PHF14: variants seen among roughly 807,000 people sequenced by gnomAD.
The protein encoded by PHF14 is PHD finger protein 14.
Under a neutral mutation model 117.9 loss-of-function variants are expected in PHF14, and 55 were observed. The observed-to-expected ratio is 0.47, with a 90% CI of 0.38 to 0.58. The LOEUF (loss-of-function observed/expected upper bound fraction) is 0.58, where lower values mean the gene tolerates loss of function less well. PHF14 is among the 20% of genes least tolerant of loss of function. PHF14 has a pLI of 0.00. For synonymous variants in PHF14, 409 were observed against 368.6 expected, an observed-to-expected ratio of 1.11 and a Z score of -1.26; for missense variants, 978 against 1,122.2, an observed-to-expected ratio of 0.87 and a Z score of 1.84.
intron 17 of PHF14, among the ~76,000 whole-genome samples, chr7:11,122,677 G>C (rs78959742): frequency 4.6e-5 from 7 of 152,020 alleles, no homozygotes; most frequent in African/African-American, 1.4e-4. Context: ...GGGAATATCA[G>C]ATATGCTGTT....
intron 2 of PHF14, among the ~76,000 whole-genome samples, chr7:10,978,515 G>T (rs946305037): frequency 2.2e-4 from 34 of 152,008 alleles, no homozygotes; most frequent in Admixed American, 3.9e-4. Context: ...TTTATATTTG[G>T]GGATCAGTGT....
chr7:11,057,104 A>G (rs1785046905), intron 14 of PHF14, among the ~76,000 whole-genome samples: 1 of 152,084 alleles, frequency 6.6e-6, no homozygotes, highest in Non-Finnish European at 1.5e-5. Flanking sequence ...TGTCAACAAA[A>G]ACACAAGTGT....
chr7:11,145,996 CTATT>C (rs1319084738), intron 17 of PHF14, among the ~76,000 whole-genome samples: 1 of 151,914 alleles, frequency 6.6e-6, no homozygotes, highest in African/African-American at 2.4e-5. Context: ...TTATCACAAA[CTATT>C]AATTAAATTA....
chr7:11,106,717 T>C, intron 16 of PHF14: 1 of 984,254 alleles, frequency 1.0e-6, no homozygotes, highest in East Asian at 1.1e-4. Context: ...ATTTAAGTAA[T>C]GACAGTATTC....
intron 17 of PHF14, among the ~76,000 whole-genome samples, chr7:11,168,132 T>C (rs138651754): frequency 5.9e-5 from 9 of 151,826 alleles, no homozygotes; most frequent in African/African-American, 2.2e-4. Flanking sequence ...TCACTGGAGA[T>C]AAAATAAGGA....
chr7:11,041,173 T>G (rs927832287), intron 12 of PHF14, among the ~76,000 whole-genome samples: 1 of 152,072 alleles, frequency 6.6e-6, no homozygotes, highest in Non-Finnish European at 1.5e-5. Context: ...ATTGCCTTTG[T>G]AGGCAGTGGA....
chr7:11,073,723 C>T (rs1583437663), intron 16 of PHF14, among the ~76,000 whole-genome samples: 1 of 152,216 alleles, frequency 6.6e-6, no homozygotes, highest in African/African-American at 2.4e-5. Flanking sequence ...TAGAGGCTTT[C>T]TGTGAAGGCT....
At chr7:11,100,177 A>C (rs913643079) in intron 16 of PHF14, among the ~76,000 whole-genome samples, 3 of 152,084 alleles carry the variant, frequency 2.0e-5, no homozygotes, top group Non-Finnish European at 4.4e-5. Context: ...CTTTGGACAT[A>C]TGAAATAGAC....
At chr7:11,021,083 A>C (rs1783718952) in intron 5 of PHF14, among the ~76,000 whole-genome samples, 1 of 152,238 alleles carries the variant, frequency 6.6e-6, no homozygotes, top group Non-Finnish European at 1.5e-5. Flanking sequence ...TATAGTTTTC[A>C]TTCTTAAATG....
At chr7:11,042,862 G>C (rs1159881427) in intron 13 of PHF14, 48 bp downstream of exon 13, 3 of 1,301,582 alleles carry the variant, frequency 2.3e-6, no homozygotes, top group Non-Finnish European at 3.2e-6. Context: ...TTTACTCTTA[G>C]TTTCAGCAGT....
chr7:11,036,668 A>T lies in PHF14; in HGVS notation c.1853A>T (p.Asp618Val), dbSNP rs1450016460. ...RKHKQPALTA[D>V]FVNYYFERNM... ...CATAAGCAACCAGCTCTCACTGCAGATTTTGTGAATTATTATTTTGGTCAG... is the reference window on the plus strand; with the variant it reads ...CATAAGCAACCAGCTCTCACTGCAGTTTTTGTGAATTATTATTTTGGTCAG... Residue 618 changes from aspartate (D) to valine (V), a missense_variant, in exon 9 of 18, where the codon GAT (aspartate) becomes GTT (valine). Asp to Val is a radical substitution (Grantham distance 152, BLOSUM62 -3). Transcript: ENST00000634607. 1 of 1,613,744 alleles carries T rather than the reference A, an allele frequency of 6.2e-7. No homozygotes were observed. Among genetic ancestry groups the T allele is most frequent in the Non-Finnish European group, 8.5e-7 (1 of 1,179,724 alleles).
chr7:11,105,339 T>G (rs1175860498), intron 16 of PHF14: 17 of 942,486 alleles, frequency 1.8e-5, no homozygotes, highest in Non-Finnish European at 2.0e-5. Context: ...TTACACTCCA[T>G]TCTATTTCCC....
chr7:11,162,465 A>T (rs991913803), intron 17 of PHF14, among the ~76,000 whole-genome samples: 1 of 152,188 alleles, frequency 6.6e-6, no homozygotes, highest in Non-Finnish European at 1.5e-5. Flanking sequence ...ATAAATTTAT[A>T]GAATTGGGAT....
intron 16 of PHF14, among the ~76,000 whole-genome samples, chr7:11,081,855 CAAA>C (rs1270601028): frequency 8.7e-6 from 1 of 115,076 alleles, no homozygotes. Context: ...GACTCCGTCT[CAAA>C]AAAAAAAAAA....
chr7:11,063,808 T>C (rs924819160), intron 16 of PHF14: 7 of 406,512 alleles, frequency 1.7e-5, no homozygotes, highest in African/African-American at 1.5e-4. Flanking sequence ...TTTGATAAGA[T>C]TTTTGAATAG....
intron 4 of PHF14, among the ~76,000 whole-genome samples, chr7:11,005,394 T>A (rs576773144): frequency 1.3e-5 from 2 of 148,584 alleles, no homozygotes; most frequent in South Asian, 4.2e-4. Flanking sequence ...ATTAACTGAT[T>A]GCTGTTTCTG....
chr7:11,002,128 T>C (rs1017500456), intron 4 of PHF14, among the ~76,000 whole-genome samples: 26 of 152,120 alleles, frequency 1.7e-4, no homozygotes, highest in African/African-American at 6.0e-4. Flanking sequence ...CACTGCAACC[T>C]CTACCTCCTG....
chr7:11,098,747 G>A (rs1056734015), intron 16 of PHF14, among the ~76,000 whole-genome samples: 42 of 152,130 alleles, frequency 2.8e-4, no homozygotes, highest in Non-Finnish European at 1.0e-4. Flanking sequence ...GGTAACAGAG[G>A]CCTTACACAC....
At chr7:11,008,748 T>C (rs894287422) in intron 4 of PHF14, among the ~76,000 whole-genome samples, 3 of 152,170 alleles carry the variant, frequency 2.0e-5, no homozygotes, top group African/African-American at 7.2e-5. Flanking sequence ...TTTTAAAATC[T>C]TTTTTGGCCG....
Sources: gnomAD v4.1 joint callset for allele counts (sites outside exome capture counted in the v4.1 genomes callset) on GRCh38, gnomAD v4.1.1 for gene constraint, MANE v1.5 for transcripts, NCBI Gene and HGNC (gene_info 2026-07-23, HGNC 2026-07-21) for gene names.